NLGN4X: variants seen among roughly 807,000 people sequenced by gnomAD.
NLGN4X encodes the protein neuroligin 4 X-linked.
In NLGN4X, 3 loss-of-function variants were observed where a neutral mutation model predicts 40.3. The ratio of observed to expected loss-of-function variants is 0.07; its 90% CI spans 0.03 to 0.19. The LOEUF (loss-of-function observed/expected upper bound fraction) is 0.19. Among genes scored for constraint, NLGN4X ranks in the 10% least tolerant of loss-of-function variants. NLGN4X has a pLI of 1.00. For missense variants in NLGN4X, 382 were observed against 708.3 expected (o/e 0.54, Z 5.23); for synonymous variants, 270 against 306.8 (o/e 0.88, Z 1.25).
At chrX:5,939,013 C>T (rs982230409) in intron 3 of NLGN4X, among the ~76,000 whole-genome samples, 2 of 107,953 alleles carry the variant, frequency 1.9e-5, no homozygotes, top group Admixed American at 1.0e-4. Context: ...CCACTGATGT[C>T]GAAGCTTGGT....
intron 3 of NLGN4X, among the ~76,000 whole-genome samples, chrX:5,985,922 T>G (rs142676019): frequency 8.9e-6 from 1 of 112,119 alleles, no homozygotes; most frequent in East Asian, 2.8e-4. Context: ...GAGAAGAACC[T>G]TAATTTGCCA....
At chrX:6,163,839 C>T (rs1434331873) in intron 1 of NLGN4X, among the ~76,000 whole-genome samples, 1 of 112,812 alleles carries the variant, frequency 8.9e-6, no homozygotes, top group Non-Finnish European at 1.9e-5. Flanking sequence ...TATCTAAGGG[C>T]AAAGCCCAGA....
chrX:6,093,334 G>A (rs777175644), intron 2 of NLGN4X, among the ~76,000 whole-genome samples: 1 of 112,231 alleles, frequency 8.9e-6, no homozygotes, highest in Non-Finnish European at 1.9e-5. Context: ...ATAATAGCCT[G>A]TAACTAGGGA....
chrX:6,053,283 G>A (rs886669684), intron 2 of NLGN4X, among the ~76,000 whole-genome samples: 1 of 112,043 alleles, frequency 8.9e-6, no homozygotes, highest in Admixed American at 9.5e-5. Context: ...AATAACCCGG[G>A]AAGGAGCAAG....
chrX:6,066,432 G>T (rs2037918270), intron 2 of NLGN4X, among the ~76,000 whole-genome samples: 4 of 111,350 alleles, frequency 3.6e-5, no homozygotes, highest in Admixed American at 1.9e-4. Context: ...TTTTCACCTG[G>T]CTCCACCGTT....
intron 2 of NLGN4X, among the ~76,000 whole-genome samples, chrX:6,066,440 G>A (rs989708633): frequency 4.5e-5 from 5 of 111,871 alleles, no homozygotes; most frequent in African/African-American, 1.6e-4. Context: ...TGGCTCCACC[G>A]TTTTAACATT....
chrX:6,216,362 T>C (rs999320781), intron 1 of NLGN4X, among the ~76,000 whole-genome samples: 3 of 112,068 alleles, frequency 2.7e-5, no homozygotes, highest in African/African-American at 9.7e-5. Flanking sequence ...TAATTTGCTA[T>C]TAGCATCTTC....
At chrX:6,114,078 C>T (rs906082785) in intron 2 of NLGN4X, among the ~76,000 whole-genome samples, 1 of 111,624 alleles carries the variant, frequency 9.0e-6, no homozygotes, top group Admixed American at 9.5e-5. Flanking sequence ...GCTCAGCATC[C>T]CAAAGTGCTG....
intron 1 of NLGN4X, among the ~76,000 whole-genome samples, chrX:6,209,817 C>T (rs1249539892): frequency 8.9e-6 from 1 of 111,794 alleles, no homozygotes; most frequent in African/African-American, 3.3e-5. Context: ...CTATCTATAA[C>T]TGTATAGATT....
At chrX:5,922,734 A>G (rs1228272745) in intron 3 of NLGN4X, among the ~76,000 whole-genome samples, 1 of 110,456 alleles carries the variant, frequency 9.1e-6, no homozygotes, top group Non-Finnish European at 1.9e-5. Context: ...ATGGTGGCAC[A>G]GGCCTGTAAT....
chrX:5,984,270 G>C lies in NLGN4X; in HGVS notation c.625+45010C>G, dbSNP rs5961911. On this transcript the variant is annotated intron_variant, in intron 3 of 5. Transcript: ENST00000381095. Reference sequence around the variant, plus strand: ...TCAAACATAAAGATTTGATGCATTGGTTTAACCATGCATTAGATACAGTAG... The same window carrying C: ...TCAAACATAAAGATTTGATGCATTGCTTTAACCATGCATTAGATACAGTAG... 5.1e-3 allele frequency among the ~76,000 whole-genome samples: 563 copies of C among 110,444 alleles called. 3 individuals carry two copies. Among genetic ancestry groups the C allele is most frequent in the African/African-American group, 0.018 (539 of 30,483 alleles).
chrX:6,125,118 G>T (rs931405515), intron 2 of NLGN4X, among the ~76,000 whole-genome samples: 1 of 112,398 alleles, frequency 8.9e-6, no homozygotes, highest in Non-Finnish European at 1.9e-5. Context: ...GTGAAAATTT[G>T]TCAGATGGGA....
chrX:5,930,056 C>T (rs2033492148), intron 3 of NLGN4X, among the ~76,000 whole-genome samples: 1 of 111,716 alleles, frequency 9.0e-6, no homozygotes, highest in African/African-American at 3.3e-5. Flanking sequence ...GTCTTATGAC[C>T]TGGCTTTAGG....
At chrX:5,921,842 C>T (rs754080803) in intron 3 of NLGN4X, among the ~76,000 whole-genome samples, 2 of 111,401 alleles carry the variant, frequency 1.8e-5, no homozygotes, top group African/African-American at 6.5e-5. Context: ...AAACTTAGCA[C>T]GGCCCAGGTA....
intron 2 of NLGN4X, among the ~76,000 whole-genome samples, chrX:6,106,731 G>T (rs1019718151): frequency 1.8e-5 from 2 of 111,809 alleles, no homozygotes; most frequent in Non-Finnish European, 3.8e-5. Flanking sequence ...TTATAGCATG[G>T]AATAATATTC....
At chrX:6,209,189 T>G (rs1000199240) in intron 1 of NLGN4X, among the ~76,000 whole-genome samples, 5 of 111,224 alleles carry the variant, frequency 4.5e-5, no homozygotes, top group African/African-American at 1.6e-4. Flanking sequence ...TGTGTACACA[T>G]GGACACAGAG....
At chrX:6,226,416 A>G (rs1180283601) in intron 1 of NLGN4X, among the ~76,000 whole-genome samples, 1 of 110,054 alleles carries the variant, frequency 9.1e-6, no homozygotes, top group African/African-American at 3.3e-5. Flanking sequence ...ATCCGTTCCC[A>G]GGGTGGCCCG....
intron 3 of NLGN4X, among the ~76,000 whole-genome samples, chrX:5,967,914 A>C (rs2034882626): frequency 9.0e-6 from 1 of 111,230 alleles, no homozygotes; most frequent in African/African-American, 3.3e-5. Flanking sequence ...TCTTCTCTTT[A>C]TCATTTGAGC....
chrX:6,211,083 A>C (rs1924562502), intron 1 of NLGN4X, among the ~76,000 whole-genome samples: 1 of 112,500 alleles, frequency 8.9e-6, no homozygotes, highest in Admixed American at 9.4e-5. Context: ...AAGCCAACTG[A>C]TGGGCACATG....
Sources: gnomAD v4.1 joint callset for allele counts (sites outside exome capture counted in the v4.1 genomes callset) on GRCh38, gnomAD v4.1.1 for gene constraint, MANE v1.5 for transcripts, NCBI Gene and HGNC (gene_info 2026-07-23, HGNC 2026-07-21) for gene names.